FKBP9: variants seen among roughly 807,000 people sequenced by gnomAD.
FKBP9 encodes peptidyl-prolyl cis-trans isomerase FKBP9.
FKBP9 carries 27 observed loss-of-function variants against 55.6 expected under a neutral mutation model. The observed-to-expected ratio is 0.49, with a 90% CI of 0.36 to 0.67. The LOEUF (loss-of-function observed/expected upper bound fraction) is 0.67. FKBP9 is among the 30% of genes least tolerant of loss of function. FKBP9 has a pLI of 0.00. For synonymous variants in FKBP9, 267 were observed against 296.5 expected (o/e 0.90, Z 1.02); for missense variants, 539 against 742.8 (o/e 0.73, Z 3.19).
At chr7:32,988,207 A>G (rs564397568) in intron 5 of FKBP9, among the ~76,000 whole-genome samples, 10 of 152,278 alleles carry the variant, frequency 6.6e-5, no homozygotes, top group African/African-American at 1.4e-4. Context: ...ATAGTGTTCA[A>G]TTTACATTAG....
In FKBP9 at chr7:32,963,715, C is replaced by G; in HGVS notation, c.221+5921C>G. 4 of 1,345,910 alleles carry G rather than the reference C, an allele frequency of 3.0e-6. No homozygotes were observed. The South Asian group carries it at 7.5e-5, about 25-fold the overall frequency. The allele number at this position is 1,345,910 out of a possible 1,614,324, so 83.4% of individuals were successfully genotyped here. ...ATCATGGACTGAGGTGACTTTCTGC[C>G]TCTCTCCAAGGGGTTGCAAACGGGG... On this transcript the variant is annotated intron_variant, in intron 1 of 9. Transcript: ENST00000242209.
intron 6 of FKBP9, among the ~76,000 whole-genome samples, chr7:32,994,224 G>A (rs989977958): frequency 2.0e-5 from 3 of 152,008 alleles, no homozygotes; most frequent in Non-Finnish European, 4.4e-5. Flanking sequence ...AACCATTAGC[G>A]GTCACTCTCC....
intron 6 of FKBP9, chr7:32,992,737 C>G (rs1436823982): frequency 9.3e-6 from 2 of 215,924 alleles, no homozygotes; most frequent in Non-Finnish European, 1.9e-5. Context: ...GAAACTCCAT[C>G]TATCCATCCA....
chr7:32,995,044 C>G (rs2127987769), intron 6 of FKBP9: 1 of 152,190 alleles, frequency 6.6e-6, no homozygotes, highest in Middle Eastern at 3.4e-3. Context: ...AATCCTAACT[C>G]ACTGTAGCCT....
At chr7:32,970,640 A>G (rs1231002962) in intron 1 of FKBP9, among the ~76,000 whole-genome samples, 1 of 146,262 alleles carries the variant, frequency 6.8e-6, no homozygotes, top group Non-Finnish European at 1.5e-5. Flanking sequence ...AAGATTGTTC[A>G]TTATTAGTGT....
intron 5 of FKBP9, among the ~76,000 whole-genome samples, chr7:32,982,613 G>A (rs1224077441): frequency 1.3e-5 from 2 of 151,910 alleles, no homozygotes; most frequent in Non-Finnish European, 2.9e-5. Context: ...ATCATTTAGT[G>A]CATATGTGTA....
chr7:33,004,834 T>G (rs1785003231), intron 9 of FKBP9, among the ~76,000 whole-genome samples: 1 of 151,932 alleles, frequency 6.6e-6, no homozygotes, highest in African/African-American at 2.4e-5. Flanking sequence ...AATGAATGCC[T>G]GCATCCAAGA....
At chr7:32,966,817 G>C (rs1218939436) in intron 1 of FKBP9, among the ~76,000 whole-genome samples, 1 of 152,202 alleles carries the variant, frequency 6.6e-6, no homozygotes, top group African/African-American at 2.4e-5. Flanking sequence ...GAGCAAGAGA[G>C]AGGGTGGGAG....
chr7:33,000,900 T>C (rs1784917432), intron 8 of FKBP9, among the ~76,000 whole-genome samples: 1 of 151,980 alleles, frequency 6.6e-6, no homozygotes, highest in Non-Finnish European at 1.5e-5. Flanking sequence ...CCCACCTCAG[T>C]CTCCCGAGTA....
rs542794849 is a variant in FKBP9 at position 32,984,178 on chromosome 7, G to T, written c.893+3625G>T. 3.9e-3 allele frequency among the ~76,000 whole-genome samples: 584 copies of T among 149,714 alleles called. 2 individuals are homozygous for T. Among genetic ancestry groups the T allele is most frequent in the African/African-American group, 0.013 (517 of 40,842 alleles). On this transcript the variant is annotated intron_variant, in intron 5 of 9. Coordinates refer to ENST00000242209, the MANE Select transcript of FKBP9 (RefSeq NM_007270.5). ...TGTATTTCCCTCAAGCCTTTTAATG[G>T]TTTTTTTTTCTATTCTTTAAGATAT... is the stretch of plus-strand genomic sequence containing the variant.
intron 1 of FKBP9, among the ~76,000 whole-genome samples, chr7:32,961,810 T>A (rs1583837340): frequency 1.3e-5 from 2 of 151,896 alleles, no homozygotes; most frequent in Non-Finnish European, 2.9e-5. Context: ...TATGTGCTCC[T>A]TATGAGAATC....
intron 4 of FKBP9, among the ~76,000 whole-genome samples, chr7:32,977,870 C>CATATAT (rs748298046): frequency 0.018 from 2,238 of 124,574 alleles, 39 homozygotes; most frequent in Non-Finnish European, 0.025. Flanking sequence ...TATACATGCC[C>CATATAT]ATATATATAT....
intron 5 of FKBP9, 51 bp downstream of exon 5, chr7:32,980,604 G>C: frequency 6.3e-7 from 1 of 1,587,422 alleles, no homozygotes; most frequent in South Asian, 1.2e-5. Flanking sequence ...ATTAAATAAA[G>C]TCTGCCATTG....
chr7:32,986,165 T>C (rs1338376213), intron 5 of FKBP9, among the ~76,000 whole-genome samples: 1 of 152,250 alleles, frequency 6.6e-6, no homozygotes, highest in Non-Finnish European at 1.5e-5. Context: ...GAGGCTCTTA[T>C]ATCCTGCCTC....
At chr7:32,994,021 G>A (rs1784735338) in intron 6 of FKBP9, among the ~76,000 whole-genome samples, 1 of 152,064 alleles carries the variant, frequency 6.6e-6, no homozygotes, top group Admixed American at 6.6e-5. Context: ...CGCATCTCCA[G>A]CTTCAATTCT....
At chr7:32,959,487 G>A (rs1380130485) in intron 1 of FKBP9, among the ~76,000 whole-genome samples, 1 of 152,166 alleles carries the variant, frequency 6.6e-6, no homozygotes, top group Admixed American at 6.6e-5. Context: ...TGCCCATTTG[G>A]TGTGTACAAT....
At chr7:32,979,469 A>T in intron 4 of FKBP9, 1 of 1,508,824 alleles carries the variant, frequency 6.6e-7, no homozygotes, top group Non-Finnish European at 9.0e-7. Context: ...CATTCCTTGG[A>T]TGGGAAGGAG....
At chr7:32,978,963 A>G (rs1272551209) in intron 4 of FKBP9, among the ~76,000 whole-genome samples, 1 of 152,172 alleles carries the variant, frequency 6.6e-6, no homozygotes, top group Non-Finnish European at 1.5e-5. Context: ...AGTACACATT[A>G]ATGCTAGAAA....
chr7:32,989,526 G>T (rs867685878), intron 6 of FKBP9, among the ~76,000 whole-genome samples: 3 of 150,792 alleles, frequency 2.0e-5, no homozygotes, highest in Admixed American at 1.3e-4. Context: ...GGTGAGTCTC[G>T]TGCCTTAGCC....
Sources: gnomAD v4.1 joint callset for allele counts (sites outside exome capture counted in the v4.1 genomes callset) on GRCh38, gnomAD v4.1.1 for gene constraint, MANE v1.5 for transcripts, NCBI Gene and HGNC (gene_info 2026-07-23, HGNC 2026-07-21) for gene names.